The following MCU variants were observed in gnomAD, a reference collection of about 807,000 sequenced individuals.
The protein encoded by MCU is calcium uniporter protein, mitochondrial.
MCU carries 12 observed loss-of-function variants against 45.2 expected under a neutral mutation model. The ratio of observed to expected loss-of-function variants is 0.27; its 90% CI spans 0.17 to 0.43. The LOEUF (loss-of-function observed/expected upper bound fraction) is 0.43. MCU is among the 20% of genes least tolerant of loss of function. The pLI is 1.00. For missense variants in MCU, 324 were observed against 436.7 expected, an observed-to-expected ratio of 0.74 and a Z score of 2.30; for synonymous variants, 160 against 165.1, an observed-to-expected ratio of 0.97 and a Z score of 0.24.
Position 72,817,223 on chromosome 10 carries a change from G to A in MCU, c.151-17136G>A, listed in dbSNP as rs536096189. On this transcript the variant is annotated intron_variant, in intron 1 of 7. Transcript: ENST00000373053. ...TCAAGCTTCCGCCTTGGAGAAGAGAGTAAACTCTCCTCAGATATGTTTGTT... is the reference window on the plus strand; with the variant it reads ...TCAAGCTTCCGCCTTGGAGAAGAGAATAAACTCTCCTCAGATATGTTTGTT... Among the ~76,000 whole-genome samples the A allele has an allele frequency of 5.9e-5, 9 of 152,300 alleles. No homozygotes were observed. The East Asian group carries it at 1.7e-3, about 29-fold the overall frequency.
intron 1 of MCU, among the ~76,000 whole-genome samples, chr10:72,747,319 A>G (rs182936428): frequency 1.8e-4 from 27 of 152,360 alleles, no homozygotes; most frequent in Admixed American, 3.3e-4. Context: ...TCTGAACCAG[A>G]AAAGTAAGGA....
At chr10:72,730,653 A>G (rs367666595) in intron 1 of MCU, 2 of 152,212 alleles carry the variant, frequency 1.3e-5, no homozygotes, top group African/African-American at 4.8e-5. Context: ...GAAAGCTTAC[A>G]TGTGAACAGT....
chr10:72,882,908 G>A (rs1845727225), intron 6 of MCU, among the ~76,000 whole-genome samples: 1 of 152,146 alleles, frequency 6.6e-6, no homozygotes, highest in Non-Finnish European at 1.5e-5. Flanking sequence ...CGGATGCCCA[G>A]CTTTAAAATT....
intron 1 of MCU, among the ~76,000 whole-genome samples, chr10:72,724,963 AT>A (rs1258299532): frequency 3.3e-5 from 5 of 152,064 alleles, no homozygotes; most frequent in Non-Finnish European, 5.9e-5. Flanking sequence ...CACTGTGTTT[AT>A]TTTTTATTTT....
At chr10:72,695,375 C>G (rs977328132) in intron 1 of MCU, among the ~76,000 whole-genome samples, 1 of 152,202 alleles carries the variant, frequency 6.6e-6, no homozygotes, top group East Asian at 1.9e-4. Flanking sequence ...AGAGGCAGGT[C>G]CTAACTCTTT....
chr10:72,695,455 A>G (rs1321480941), intron 1 of MCU, among the ~76,000 whole-genome samples: 1 of 152,196 alleles, frequency 6.6e-6, no homozygotes, highest in Non-Finnish European at 1.5e-5. Context: ...ACTCTGTTGT[A>G]CTTAAGCTAG....
At chr10:72,870,652 G>A (rs1185480946) in intron 5 of MCU, among the ~76,000 whole-genome samples, 3 of 152,146 alleles carry the variant, frequency 2.0e-5, no homozygotes, top group African/African-American at 4.8e-5. Context: ...GCAGATCATC[G>A]CTCTGAATTG....
At chr10:72,742,039 AAAAAAAC>A (rs1843341847) in intron 1 of MCU, among the ~76,000 whole-genome samples, 1 of 150,474 alleles carries the variant, frequency 6.6e-6, no homozygotes, top group African/African-American at 2.5e-5. Context: ...AAAAAAAAAA[AAAAAAAC>A]AAAAACGACA....
intron 1 of MCU, among the ~76,000 whole-genome samples, chr10:72,698,880 C>T (rs1365139548): frequency 2.0e-5 from 3 of 152,018 alleles, no homozygotes; most frequent in East Asian, 1.9e-4. Flanking sequence ...CATGGCTCAC[C>T]GCAGCCTTGA....
intron 1 of MCU, among the ~76,000 whole-genome samples, chr10:72,732,382 A>G (rs564212750): frequency 6.6e-6 from 1 of 152,320 alleles, no homozygotes; most frequent in African/African-American, 2.4e-5. Context: ...TTTTTCAAAG[A>G]AGGCAGTTTT....
At chr10:72,820,383 A>G (rs2132814533) in intron 1 of MCU, among the ~76,000 whole-genome samples, 1 of 152,186 alleles carries the variant, frequency 6.6e-6, no homozygotes, top group African/African-American at 2.4e-5. Context: ...TCTCAGTTTT[A>G]CTTTTGACCT....
chr10:72,719,184 G>A (rs1842989564), intron 1 of MCU, among the ~76,000 whole-genome samples: 1 of 152,196 alleles, frequency 6.6e-6, no homozygotes, highest in Non-Finnish European at 1.5e-5. Context: ...GCATTTCACT[G>A]TTAACATTTA....
At chr10:72,833,842 TGA>T (rs1564569804) in intron 1 of MCU, among the ~76,000 whole-genome samples, 1 of 152,280 alleles carries the variant, frequency 6.6e-6, no homozygotes, top group East Asian at 1.9e-4. Context: ...ACTCAACTAG[TGA>T]GGTTGCCTCT....
intron 1 of MCU, among the ~76,000 whole-genome samples, chr10:72,738,386 C>T (rs191389366): frequency 9.3e-4 from 141 of 152,182 alleles, no homozygotes; most frequent in Admixed American, 7.1e-3. Flanking sequence ...TTAGATTGAA[C>T]AAATGTTAGA....
At position 72,854,420 on chromosome 10, in the gene MCU, G is replaced by A. The variant is rs558327255; in HGVS notation, c.221-4757G>A. 6.4e-4 allele frequency among the ~76,000 whole-genome samples: 98 copies of A among 152,114 alleles called. 1 individual carries two copies. The highest frequency in any genetic ancestry group is 1.0e-3 in the Non-Finnish European group (71 of 68,008). On this transcript the variant is annotated intron_variant, in intron 2 of 7. Transcript: ENST00000373053. ...AATTTCTTTAAAAGATAATCAAAAG[G>A]TAAACCACACAAAAATAATGTGCAG... is the stretch of plus-strand genomic sequence containing the variant.
intron 6 of MCU, 44 bp downstream of exon 6, chr10:72,871,624 G>C (rs1845544112): frequency 2.6e-6 from 4 of 1,527,870 alleles, no homozygotes; most frequent in Admixed American, 1.7e-5. Context: ...TAGTAATAAA[G>C]TTTTGATTGT....
At chr10:72,755,135 G>T in intron 1 of MCU, among the ~76,000 whole-genome samples, 2 of 146,566 alleles carry the variant, frequency 1.4e-5, no homozygotes, top group African/African-American at 2.5e-5. Context: ...TACTAGATAT[G>T]TGAACCTGAG....
intron 1 of MCU, among the ~76,000 whole-genome samples, chr10:72,748,420 T>C (rs765011638): frequency 1.3e-5 from 2 of 152,186 alleles, no homozygotes; most frequent in Non-Finnish European, 2.9e-5. Flanking sequence ...TATTGAACAG[T>C]GTAGTTCTGC....
At chr10:72,761,042 C>T (rs981078584) in intron 1 of MCU, among the ~76,000 whole-genome samples, 4 of 152,122 alleles carry the variant, frequency 2.6e-5, no homozygotes, top group African/African-American at 9.6e-5. Flanking sequence ...TTAGTGCCAC[C>T]GTAGAATGTT....
Sources: allele counts gnomAD v4.1 joint callset (sites outside exome capture counted in the v4.1 genomes callset), GRCh38; gene constraint gnomAD v4.1.1; transcripts MANE v1.5; gene names NCBI Gene and HGNC (gene_info 2026-07-23, HGNC 2026-07-21).